INSRR: variants seen among roughly 807,000 people sequenced by gnomAD.
INSRR encodes the protein insulin receptor-related protein.
A neutral mutation model predicts 130.0 loss-of-function variants in INSRR; 114 were observed. The observed-to-expected ratio is 0.88, with a 90% CI of 0.75 to 1.02. INSRR has a LOEUF of 1.02. Ranked by LOEUF, INSRR falls within the 50% of genes least tolerant of loss-of-function variation. INSRR has a pLI of 0.00. For synonymous variants in INSRR, 674 were observed against 705.2 expected, an observed-to-expected ratio of 0.96 and a Z score of 0.70; for missense variants, 1,657 against 1,735.2, an observed-to-expected ratio of 0.95 and a Z score of 0.80.
At position 156,849,443 on chromosome 1, in the gene INSRR, A is replaced by G; in HGVS notation, c.1247T>C (p.Val416Ala). ...AMVDGNYTLY[V>A]LDNQNLQQLG... ...CTGTTGTAGGTTCTGGTTGTCCAGC[A>G]CGTAGAGAGTGTAGTTCCTGGGGGA... The change falls in exon 6 of 22, where the codon GTG (valine) becomes GCG (alanine). Residue 416 changes from valine to alanine, a missense_variant. By Grantham distance (64) the Val-to-Ala change is moderately conservative (BLOSUM62 0). Transcript: ENST00000368195. 6.4e-7 allele frequency: 1 copy of G among 1,555,718 alleles called. No individual in the cohort carries two copies. Among genetic ancestry groups the G allele is most frequent in the South Asian group, 1.1e-5 (1 of 90,370 alleles).
rs1399145308 is a variant in INSRR at position 156,852,017 on chromosome 1, G to T, written c.812C>A (p.Ser271Tyr). 1.2e-6 allele frequency: 2 copies of T among 1,613,586 alleles called. No homozygotes were observed. The highest frequency in any genetic ancestry group is 1.7e-5 in the Admixed American group (1 of 60,010). ...ACPPGTYQYE[S>Y]WRCVTAERCA... ...GCGCTCAGCTGTGACACAGCGCCAGGACTCATACTGGTAGGTGCCTGGCGG... is the reference window on the plus strand; with the variant it reads ...GCGCTCAGCTGTGACACAGCGCCAGTACTCATACTGGTAGGTGCCTGGCGG... Residue 271 changes from serine to tyrosine, a missense_variant, in exon 3 of 22, where the codon TCC (serine) becomes TAC (tyrosine). Ser to Tyr is a moderately radical substitution (Grantham distance 144). Transcript: ENST00000368195.
At chr1:156,853,096 C>T (rs1655284071) in intron 2 of INSRR, among the ~76,000 whole-genome samples, 1 of 151,952 alleles carries the variant, frequency 6.6e-6, no homozygotes, top group African/African-American at 2.4e-5. Flanking sequence ...TGCTTTTTTC[C>T]TCTCCTTGCA....
At position 156,845,355 on chromosome 1, in the gene INSRR, G is replaced by T. The variant is rs765274135; in HGVS notation, c.2216+17C>A. 3.1e-6 allele frequency: 5 copies of T among 1,598,580 alleles called. No individual in the cohort carries two copies. Among genetic ancestry groups the T allele is most frequent in the Non-Finnish European group, 4.3e-6 (5 of 1,170,844 alleles). Reference sequence around the variant, plus strand: ...CCCAAAGCCACGCCCCTCAGCACCTGCCCTAGTCCTGCTCACCTTTGGGGG... The same window carrying T: ...CCCAAAGCCACGCCCCTCAGCACCTTCCCTAGTCCTGCTCACCTTTGGGGG... On this transcript the variant is annotated intron_variant, in intron 11 of 21. Transcript: ENST00000368195.
In INSRR at chr1:156,849,016, G is replaced by A. The variant is rs1219819533; in HGVS notation, c.1476C>T (p.Asn492=). 3.1e-6 allele frequency: 5 copies of A among 1,613,382 alleles called. No homozygotes were observed. Among genetic ancestry groups the A allele is most frequent in the Admixed American group, 1.7e-5 (1 of 59,960 alleles). The part of the protein sequence containing the change: ...CQTRTLRFVS[N]VTEADRILLR... ...GCAGGATGCGGTCTGCCTCCGTCAC[G>A]TTGGACACGAAGCGCAGGGTGCGAG... Residue 492 remains asparagine, a synonymous_variant, in exon 7 of 22, where the codon AAC becomes AAT. Transcript: ENST00000368195.
chr1:156,841,004 G>A lies in INSRR; in HGVS notation c.3763C>T (p.Arg1255Cys), dbSNP rs747977097. Reference sequence around the variant, plus strand: ...GGGCTGTAGTAGAAGGAGAGGAGGCGGAAGGAGGGCCGCAGCTCCTCCTGT... The same window carrying A: ...GGGCTGTAGTAGAAGGAGAGGAGGCAGAAGGAGGGCCGCAGCTCCTCCTGT... ...SIQEELRPSF[R>C]LLSFYYSPEC... The change falls in exon 22 of 22, where the codon CGC (arginine) becomes TGC (cysteine). Residue 1255 changes from arginine to cysteine, a missense_variant. Transcript: ENST00000368195. 2.4e-5 allele frequency: 39 copies of A among 1,611,894 alleles called. No individual in the cohort carries two copies. The highest frequency in any genetic ancestry group is 1.4e-4 in the South Asian group (13 of 90,640).
chr1:156,847,922 G>A (rs560337435), intron 7 of INSRR, among the ~76,000 whole-genome samples: 3 of 152,274 alleles, frequency 2.0e-5, no homozygotes, highest in East Asian at 3.9e-4. Context: ...TGCACAAGCC[G>A]GGGAGCTGGG....
rs181091525 is a variant in INSRR, at chr1:156,858,485, C to A, written c.85+52G>T. The A allele has an allele frequency of 8.1e-6, 12 of 1,478,930 alleles. No homozygotes were observed. The Admixed American group carries it at 2.0e-4, about 25-fold the overall frequency. 91.6% of individuals were successfully genotyped at this position (1,478,930 alleles called of 1,614,324 possible). ...GCTGCAAGCTCAGTTTTTTGGCCTC[C>A]CAGCTGGCTGGGAGGGAGGTAGGGG... is the stretch of plus-strand genomic sequence containing the variant. On this transcript the variant is annotated intron_variant, in intron 1 of 21. Transcript: ENST00000368195.
At chr1:156,845,478 G>A in intron 10 of INSRR, 65 bp from the exon 11 acceptor site, 1 of 1,513,510 alleles carries the variant, frequency 6.6e-7, no homozygotes, top group South Asian at 1.3e-5. Context: ...TCTGCAGCGC[G>A]TACCGCCTCC....
rs554387833 is a variant in INSRR at position 156,852,501 on chromosome 1, C to T, written c.638-310G>A. Among the ~76,000 whole-genome samples, 3 of 152,370 alleles carry T rather than the reference C, an allele frequency of 2.0e-5. No homozygotes were observed. In the South Asian group the frequency reaches 6.2e-4, roughly 32 times the overall value. ...TGCTGTCCTGTCTATCCTATCTAGG[C>T]CTGGTGCCCAGATCATGGCTGGGCA... On this transcript the variant is annotated intron_variant, in intron 2 of 21. Coordinates refer to ENST00000368195, the MANE Select transcript of INSRR (RefSeq NM_014215.3).
intron 1 of INSRR, among the ~76,000 whole-genome samples, chr1:156,858,316 C>G (rs959242866): frequency 1.3e-5 from 2 of 152,170 alleles, no homozygotes; most frequent in Admixed American, 1.3e-4. Context: ...TACTTGTCCA[C>G]GTTTTGAAGC....
rs775071060 is a variant in INSRR at position 156,846,721 on chromosome 1, A to C, written c.1608T>G (p.Asp536Glu). ...GGTTCCAGCTCTGGGTTCCACAAGC[A>C]TCTGGACCCACGTGCTCTGTGGCGT... ...FQNATEHVGP[D>E]ACGTQSWNLL... The change falls in exon 8 of 22, where the codon GAT becomes GAG. Residue 536 changes from aspartate (D) to glutamate (E), a missense_variant. Asp to Glu is a conservative substitution (Grantham distance 45). Coordinates refer to ENST00000368195, the MANE Select transcript of INSRR (RefSeq NM_014215.3). 6.2e-7 allele frequency: 1 copy of C among 1,614,096 alleles called. No homozygotes were observed. Among genetic ancestry groups the C allele is most frequent in the South Asian group, 1.1e-5 (1 of 91,088 alleles).
intron 7 of INSRR, among the ~76,000 whole-genome samples, chr1:156,847,494 T>TTGATGTTCA (rs1450303409): frequency 2.6e-5 from 4 of 152,074 alleles, no homozygotes; most frequent in African/African-American, 4.8e-5. Context: ...GAACATCACA[T>TTGATGTTCA]TGATGTTCAT....
Position 156,843,161 on chromosome 1 carries a change from A to C in INSRR, c.2969T>G (p.Phe990Cys). 1 of 1,614,010 alleles carries C rather than the reference A, an allele frequency of 6.2e-7. No individual in the cohort carries two copies. The change falls in exon 17 of 22, where the codon TTT becomes TGT. Residue 990 changes from phenylalanine to cysteine, a missense_variant. Physicochemically the swap from Phe to Cys is radical, Grantham distance 205. Coordinates refer to ENST00000368195, the MANE Select transcript of INSRR (RefSeq NM_014215.3). ...SIIRELGQGSFGMVYEGLARG... is the reference protein window; with the variant it reads ...SIIRELGQGSCGMVYEGLARG... ...TGCCAGCCCCTCATATACCATCCCA[A>C]AAGAGCCCTGGCCCAGTTCCCGGAT...
chr1:156,842,273 T>C lies in INSRR; in HGVS notation c.3238-2A>G, dbSNP rs1031996312. The C allele has an allele frequency of 6.2e-7, 1 of 1,613,800 alleles. No homozygotes were observed. Among genetic ancestry groups the C allele is most frequent in the African/African-American group, 1.3e-5 (1 of 74,878 alleles). On this transcript the variant is annotated splice_acceptor_variant, in intron 18 of 21. Coordinates refer to ENST00000368195, the MANE Select transcript of INSRR (RefSeq NM_014215.3). LOFTEE classifies it high-confidence loss of function. ...TGGCTGTGGGAGCCCAGGGTTGTTC[T>C]AGAGCCAAGATTGGGGGCTGGTGAG... is the stretch of plus-strand genomic sequence containing the variant.
Position 156,843,463 on chromosome 1 carries a change from C to T in INSRR, c.2860G>A (p.Ala954Thr), listed in dbSNP as rs181833353. Residue 954 changes from alanine (A) to threonine (T), a missense_variant, in exon 16 of 22, where the codon GCT becomes ACT. Ala to Thr is a moderately conservative substitution (Grantham distance 58, BLOSUM62 0). Transcript: ENST00000368195. ...CTGAAGTACTCTGGATTCACAGAAG[C>T]ATACAGGGTTCTGTTTCTGCAACGG... The part of the protein sequence containing the change: ...YGKKRNRTLY[A>T]SVNPEYFSAS... 5.4e-5 allele frequency: 87 copies of T among 1,614,256 alleles called. No individual in the cohort carries two copies. In the East Asian group the frequency reaches 1.9e-3, roughly 35 times the overall value.
chr1:156,845,092 C>T lies in INSRR; in HGVS notation c.2421G>A (p.Ala807=), dbSNP rs149474857. The change falls in exon 12 of 22, where the codon GCG becomes GCA. Residue 807 remains alanine (A), a synonymous_variant. Transcript: ENST00000368195. Reference sequence around the variant, plus strand: ...ATCACCTACTGTGGGGCATGGTGCGCGCAAAGACGAAGGTGGCGGCGCTGC... The same window carrying T: ...ATCACCTACTGTGGGGCATGGTGCGTGCAAAGACGAAGGTGGCGGCGCTGC... ...VGCSAATFVF[A]RTMPHREADG... is the part of the protein sequence containing the mutation. 1.3e-3 allele frequency: 2,139 copies of T among 1,608,764 alleles called. 19 individuals carry two copies. The African/African-American group carries it at 0.026, about 19-fold the overall frequency.
chr1:156,846,455 C>T (rs1655011745), intron 8 of INSRR, 64 bp downstream of exon 8: 3 of 1,325,962 alleles, frequency 2.3e-6, no homozygotes, highest in Non-Finnish European at 3.2e-6. Flanking sequence ...TTTCTGGTGC[C>T]TGTGCTCCCC....
rs1217859757 is a variant in INSRR, at chr1:156,841,436, T to A, written c.3620A>T (p.Asp1207Val). 1.2e-6 allele frequency: 2 copies of A among 1,613,790 alleles called. No individual in the cohort carries two copies. The highest frequency in any genetic ancestry group is 2.7e-5 in the African/African-American group (2 of 74,830). The change falls in exon 21 of 22, where the codon GAT becomes GTT. Residue 1207 changes from aspartate (D) to valine (V), a missense_variant. Coordinates refer to ENST00000368195, the MANE Select transcript of INSRR (RefSeq NM_014215.3). ...CTCCAGCTCCTCCAGGACCCCGCCA[T>A]CCATGACGAACTTCAGCACCTGCTC... ...SNEQVLKFVMDGGVLEELEGC... is the reference protein window; with the variant it reads ...SNEQVLKFVMVGGVLEELEGC...
rs1293264327 is a variant in INSRR, at chr1:156,855,528, T to G, written c.86-1225A>C. Among the ~76,000 whole-genome samples the G allele has an allele frequency of 3.3e-5, 5 of 152,086 alleles. No homozygotes were observed. The East Asian group carries it at 9.7e-4, about 29-fold the overall frequency. Reference sequence around the variant, plus strand: ...CCTGAACATCCTAGTTAAAATTGACTTCTATTTTCACTGGCTGGGTGCAGT... The same window carrying G: ...CCTGAACATCCTAGTTAAAATTGACGTCTATTTTCACTGGCTGGGTGCAGT... On this transcript the variant is annotated intron_variant, in intron 1 of 21. Transcript: ENST00000368195.
Sources: gnomAD v4.1 joint callset for allele counts (sites outside exome capture counted in the v4.1 genomes callset) on GRCh38, gnomAD v4.1.1 for gene constraint, MANE v1.5 for transcripts, NCBI Gene and HGNC (gene_info 2026-07-23, HGNC 2026-07-21) for gene names.